RXRG: variants seen among roughly 807,000 people sequenced by gnomAD.
The protein encoded by RXRG is retinoic acid receptor RXR-gamma.
In RXRG, 19 loss-of-function variants were observed where a neutral mutation model predicts 49.2. The observed-to-expected ratio is 0.39, with a 90% confidence interval of 0.27 to 0.57. The LOEUF (loss-of-function observed/expected upper bound fraction) is 0.57. RXRG is among the 20% of genes least tolerant of loss of function. The probability of loss-of-function intolerance (pLI) is 0.64; values close to 1 mark genes in which losing one functional copy is unlikely to be tolerated. For synonymous variants in RXRG, 224 were observed against 216.6 expected (o/e 1.03, Z -0.30); for missense variants, 452 against 592.5 (o/e 0.76, Z 2.46).
chr1:165,424,575 A>G (rs1010961164), intron 2 of RXRG, among the ~76,000 whole-genome samples: 6 of 152,244 alleles, frequency 3.9e-5, no homozygotes, highest in African/African-American at 1.4e-4. Flanking sequence ...AGATTACACA[A>G]TTCCTGCCTT....
chr1:165,430,253 T>C (rs1230534432), intron 1 of RXRG, among the ~76,000 whole-genome samples: 1 of 152,142 alleles, frequency 6.6e-6, no homozygotes, highest in African/African-American at 2.4e-5. Context: ...ATGCCTGACT[T>C]TATGTGGCTC....
intron 4 of RXRG, among the ~76,000 whole-genome samples, chr1:165,412,733 TC>T (rs1462299123): frequency 4.6e-5 from 7 of 152,196 alleles, no homozygotes; most frequent in Non-Finnish European, 8.8e-5. Context: ...TCTCTCCATC[TC>T]CCTTTTTGGC....
In RXRG at chr1:165,401,126, G is replaced by A; in HGVS notation, c.*137C>T. The A allele has an allele frequency of 1.4e-6, 1 of 733,970 alleles. No individual in the cohort carries two copies. The highest frequency in any genetic ancestry group is 2.2e-6 in the Non-Finnish European group (1 of 452,810). 45.5% of individuals were successfully genotyped at this position (733,970 alleles called of 1,614,324 possible). A position where few individuals can be genotyped will look rare whatever the true frequency, so the allele number is the denominator to read the frequency against. On this transcript the variant is annotated 3_prime_UTR_variant, in exon 10 of 10. Transcript: ENST00000359842. ...CCTATAAAAGTCTCATGTGTAGAAA[G>A]GTTTTCTTTATTATAAGCATCACAT...
intron 2 of RXRG, among the ~76,000 whole-genome samples, chr1:165,421,583 G>T (rs1658317469): frequency 6.7e-6 from 1 of 148,716 alleles, no homozygotes; most frequent in Non-Finnish European, 1.5e-5. Flanking sequence ...AGGCTGGAGT[G>T]CAGTGGTGCC....
chr1:165,425,615 T>C lies in RXRG; in HGVS notation c.297+3104A>G, dbSNP rs6698369. 9.3e-3 allele frequency among the ~76,000 whole-genome samples: 1,418 copies of C among 152,296 alleles called. 28 individuals are homozygous for C. The highest frequency in any genetic ancestry group is 0.04 in the South Asian group (192 of 4,822). ...AAAGAAAGGAAACAAACAAACCTCATACATTATGAAGCATAGGGTATCAAT... is the reference window on the plus strand; with the variant it reads ...AAAGAAAGGAAACAAACAAACCTCACACATTATGAAGCATAGGGTATCAAT... On this transcript the variant is annotated intron_variant, in intron 2 of 9. Transcript: ENST00000359842.
At chr1:165,438,136 G>A (rs1024197705) in intron 1 of RXRG, among the ~76,000 whole-genome samples, 2 of 152,164 alleles carry the variant, frequency 1.3e-5, no homozygotes, top group African/African-American at 4.8e-5. Context: ...CTGTTGTGCT[G>A]AGATTGACTC....
intron 1 of RXRG, among the ~76,000 whole-genome samples, chr1:165,439,698 T>A (rs1658922000): frequency 6.6e-6 from 1 of 152,240 alleles, no homozygotes; most frequent in Non-Finnish European, 1.5e-5. Context: ...TTCCTTCCCA[T>A]CAGAAGAAAG....
chr1:165,402,870 TCACA>T (rs754810976), intron 9 of RXRG, among the ~76,000 whole-genome samples: 181 of 151,876 alleles, frequency 1.2e-3, no homozygotes, highest in Admixed American at 2.4e-3. Flanking sequence ...ATACACATAC[TCACA>T]CATGTGCACA....
At chr1:165,404,158 GT>G (rs1244290378) in intron 9 of RXRG, among the ~76,000 whole-genome samples, 3 of 152,114 alleles carry the variant, frequency 2.0e-5, no homozygotes, top group African/African-American at 7.2e-5. Flanking sequence ...CGGACCAGAG[GT>G]GACCAGCCCT....
chr1:165,406,613 G>A (rs1657758554), intron 9 of RXRG, among the ~76,000 whole-genome samples, 199 bp downstream of exon 9: 1 of 152,208 alleles, frequency 6.6e-6, no homozygotes, highest in African/African-American at 2.4e-5. Flanking sequence ...ACGTGTTGAG[G>A]CTAGAGGAGT....
chr1:165,424,699 G>T (rs1289215972), intron 2 of RXRG: 2 of 810,142 alleles, frequency 2.5e-6, no homozygotes, highest in South Asian at 5.6e-5. Flanking sequence ...CCTGCCTGCT[G>T]CTCCCACCCC....
In RXRG at chr1:165,428,719, C is replaced by T; in HGVS notation, c.297G>A (p.Gln99=). 1.3e-6 allele frequency: 2 copies of T among 1,589,240 alleles called. No homozygotes were observed. Among genetic ancestry groups the T allele is most frequent in the East Asian group, 4.5e-5 (2 of 44,486 alleles). Residue 99 remains glutamine, a splice_region_variant and synonymous_variant, in exon 2 of 10, where the codon CAG becomes CAA. Coordinates refer to ENST00000359842, the MANE Select transcript of RXRG (RefSeq NM_006917.5). ...GINLVAPPSS[Q]LNVVNSVSSS... ...GGCCTTGGAGAGGAAGAACACTTAC[C>T]TGAGAGCTGGGTGGGGCAACCAAGT... is the stretch of plus-strand genomic sequence containing the variant.
At chr1:165,408,676 T>C (rs1657838617) in intron 7 of RXRG, among the ~76,000 whole-genome samples, 1 of 152,158 alleles carries the variant, frequency 6.6e-6, no homozygotes, top group Non-Finnish European at 1.5e-5. Context: ...GGGGATTGCA[T>C]GTCTAGAAAA....
intron 1 of RXRG, among the ~76,000 whole-genome samples, chr1:165,432,784 G>T (rs1481926507): frequency 1.3e-5 from 2 of 152,188 alleles, no homozygotes; most frequent in African/African-American, 4.8e-5. Context: ...AAGGATGAGT[G>T]GTGTTTCTTG....
chr1:165,403,181 G>A (rs1268288467), intron 9 of RXRG, among the ~76,000 whole-genome samples: 1 of 152,210 alleles, frequency 6.6e-6, no homozygotes, highest in Non-Finnish European at 1.5e-5. Flanking sequence ...ACTTCTCTCT[G>A]TGACATTTTT....
intron 3 of RXRG, among the ~76,000 whole-genome samples, chr1:165,418,053 G>A (rs961702486): frequency 7.2e-6 from 1 of 139,442 alleles, no homozygotes; most frequent in Non-Finnish European, 1.5e-5. Flanking sequence ...GGAGGTTGCA[G>A]TGAGCCAAGA....
chr1:165,441,012 A>G (rs1165604205), intron 1 of RXRG, among the ~76,000 whole-genome samples: 1 of 152,236 alleles, frequency 6.6e-6, no homozygotes. Flanking sequence ...ATAGGTTCCA[A>G]TTAGCCACCC....
At chr1:165,411,777 A>G (rs1657958826) in intron 4 of RXRG, among the ~76,000 whole-genome samples, 1 of 152,154 alleles carries the variant, frequency 6.6e-6, no homozygotes. Context: ...TCCAAAGCTT[A>G]GGGTTTTCAT....
chr1:165,411,284 A>G (rs898844056), intron 4 of RXRG, among the ~76,000 whole-genome samples, 175 bp from the exon 5 acceptor site: 2 of 152,212 alleles, frequency 1.3e-5, no homozygotes, highest in Non-Finnish European at 2.9e-5. Flanking sequence ...CTGTTTGCTT[A>G]TGCCTAAGGA....
Sources: gnomAD v4.1 joint callset for allele counts (sites outside exome capture counted in the v4.1 genomes callset) on GRCh38, gnomAD v4.1.1 for gene constraint, MANE v1.5 for transcripts, NCBI Gene and HGNC (gene_info 2026-07-23, HGNC 2026-07-21) for gene names.